ZBTB11: variants seen among roughly 807,000 people sequenced by gnomAD.
The protein encoded by ZBTB11 is zinc finger and BTB domain-containing protein 11.
In ZBTB11, 68 loss-of-function variants were observed where a neutral mutation model predicts 113.1. That is an observed-to-expected ratio of 0.60 (90% CI 0.49 to 0.74). The LOEUF (loss-of-function observed/expected upper bound fraction) is 0.74, where lower values mean the gene tolerates loss of function less well. ZBTB11 is among the 30% of genes least tolerant of loss of function. The pLI is 0.00. For missense variants in ZBTB11, 1,104 were observed against 1,279.4 expected (o/e 0.86, Z 2.09); for synonymous variants, 518 against 452.6 (o/e 1.14, Z -1.83).
At chr3:101,654,381 CAG>C (rs1350464973) in intron 8 of ZBTB11, among the ~76,000 whole-genome samples, 1 of 150,320 alleles carries the variant, frequency 6.7e-6, no homozygotes, top group Non-Finnish European at 1.5e-5. Flanking sequence ...TCGATTGTAA[CAG>C]AGATTTTATT....
intron 1 of ZBTB11, among the ~76,000 whole-genome samples, chr3:101,674,528 T>C (rs1445688232): frequency 6.6e-6 from 1 of 151,728 alleles, no homozygotes; most frequent in Non-Finnish European, 1.5e-5. Flanking sequence ...CTGGCCAACA[T>C]GGTGAAACCC....
chr3:101,669,755 C>A (rs553499648), intron 3 of ZBTB11, among the ~76,000 whole-genome samples: 17 of 152,066 alleles, frequency 1.1e-4, no homozygotes, highest in African/African-American at 4.1e-4. Context: ...ATGTACACCC[C>A]CTGAGCCTAG....
At position 101,664,533 on chromosome 3, in the gene ZBTB11, C is replaced by T; in HGVS notation, c.1800+5G>A. The T allele has an allele frequency of 1.3e-6, 2 of 1,594,730 alleles. No homozygotes were observed. The highest frequency in any genetic ancestry group is 1.7e-6 in the Non-Finnish European group (2 of 1,174,492). On this transcript the variant is annotated splice_donor_5th_base_variant and intron_variant, in intron 5 of 10. Coordinates refer to ENST00000312938, the MANE Select transcript of ZBTB11 (RefSeq NM_014415.4). ...TTACCTTCAATTAGCTTTCCAAATA[C>T]TTACTGGACATTTGTAATCTCTAGC...
At position 101,672,036 on chromosome 3, in the gene ZBTB11, G is replaced by C. The variant is rs932829348; in HGVS notation, c.488C>G (p.Pro163Arg). ...TTTTGCAGGCTTGGATGCTGTAGTT[G>C]GAGATGAAGTAAAGTTGCTCAGGTC... ...EDDLSNFTSS[P>R]TTASKPAKKK... Residue 163 changes from proline to arginine, a missense_variant, in exon 2 of 11, where the codon CCA becomes CGA. By Grantham distance (103) the Pro-to-Arg change is moderately radical. Transcript: ENST00000312938. 6.2e-7 allele frequency: 1 copy of C among 1,614,006 alleles called. No homozygotes were observed. Among genetic ancestry groups the C allele is most frequent in the African/African-American group, 1.3e-5 (1 of 74,928 alleles).
At chr3:101,675,042 A>G (rs2108329751) in intron 1 of ZBTB11, among the ~76,000 whole-genome samples, 1 of 152,354 alleles carries the variant, frequency 6.6e-6, no homozygotes, top group African/African-American at 2.4e-5. Flanking sequence ...TCACTGCACC[A>G]AGCAAGACCC....
chr3:101,662,517 G>A (rs1434950737), intron 5 of ZBTB11, among the ~76,000 whole-genome samples: 1 of 151,956 alleles, frequency 6.6e-6, no homozygotes, highest in Admixed American at 6.6e-5. Flanking sequence ...CCAGCTACTC[G>A]GGAGGCTGAG....
chr3:101,671,478 TTTTC>T (rs1472451836), intron 2 of ZBTB11, 117 bp from the exon 3 acceptor site: 7 of 738,802 alleles, frequency 9.5e-6, no homozygotes, highest in African/African-American at 5.3e-5. Flanking sequence ...TAATTTGATA[TTTTC>T]TTTGTTACCT....
intron 6 of ZBTB11, among the ~76,000 whole-genome samples, chr3:101,657,404 G>A (rs773264348): frequency 1.8e-4 from 27 of 151,836 alleles, no homozygotes; most frequent in Non-Finnish European, 2.9e-4. Context: ...TACTCGGGAG[G>A]CTGAGGCAGG....
In ZBTB11 at chr3:101,659,789, T is replaced by G; in HGVS notation, c.2040A>C (p.Ala680=). ...MLKHTGVKPH[A]CQVCGKTFIY... Reference sequence around the variant, plus strand: ...ATAAACGTTATAGCTTTACCTGGCATGCATGTGGCTTTACACCTGTGTGCT... The same window carrying G: ...ATAAACGTTATAGCTTTACCTGGCAGGCATGTGGCTTTACACCTGTGTGCT... The change falls in exon 6 of 11, where the codon GCA becomes GCC. Residue 680 remains alanine (A), a synonymous_variant. Coordinates refer to ENST00000312938, the MANE Select transcript of ZBTB11 (RefSeq NM_014415.4). 3 of 1,614,018 alleles carry G rather than the reference T, an allele frequency of 1.9e-6. No individual in the cohort carries two copies. The highest frequency in any genetic ancestry group is 2.5e-6 in the Non-Finnish European group (3 of 1,179,844).
At position 101,656,185 on chromosome 3, in the gene ZBTB11, G is replaced by A; in HGVS notation, c.2110C>T (p.Gln704Ter). 1 of 1,602,138 alleles carries A rather than the reference G, an allele frequency of 6.2e-7. No individual in the cohort carries two copies. Among genetic ancestry groups the A allele is most frequent in the Non-Finnish European group, 8.5e-7 (1 of 1,174,818 alleles). Residue 704 changes from glutamine (Q) to a stop codon, truncating the protein, a stop_gained, in exon 7 of 11, where the codon CAG becomes TAG. Transcript: ENST00000312938. LOFTEE classifies it high-confidence loss of function. ...LKLHQSLHQS[Q>*]KQFQCELCVK... ...CACAGTTCACACTGGAACTGCTTCT[G>A]TGATTGATGAAGACTCTGATGTAAT... is the stretch of plus-strand genomic sequence containing the variant.
At chr3:101,653,005 GT>G in intron 8 of ZBTB11, 67 bp from the exon 9 acceptor site, 4 of 1,504,938 alleles carry the variant, frequency 2.7e-6, no homozygotes, top group Non-Finnish European at 3.6e-6. Context: ...CAAGAACTCA[GT>G]AACTATTTTT....
chr3:101,677,121 C>G lies in ZBTB11; in HGVS notation c.-207G>C. On this transcript the variant is annotated 5_prime_UTR_variant, in exon 1 of 11. Coordinates refer to ENST00000312938, the MANE Select transcript of ZBTB11 (RefSeq NM_014415.4). Reference sequence around the variant, plus strand: ...ACTGCACTTCTCCAGCGCGCGGGATCCGCTGGCGACTGACAAAATGGCTGC... The same window carrying G: ...ACTGCACTTCTCCAGCGCGCGGGATGCGCTGGCGACTGACAAAATGGCTGC... 1.8e-6 allele frequency: 1 copy of G among 558,662 alleles called. No homozygotes were observed. The highest frequency in any genetic ancestry group is 3.0e-6 in the Non-Finnish European group (1 of 330,870). 34.6% of individuals were successfully genotyped at this position (558,662 alleles called of 1,614,324 possible).
intron 5 of ZBTB11, among the ~76,000 whole-genome samples, chr3:101,663,500 T>C (rs540641404): frequency 1.4e-4 from 21 of 152,368 alleles, no homozygotes; most frequent in African/African-American, 4.8e-4. Flanking sequence ...TTGTCAACCA[T>C]GAGCTTTTGT....
At chr3:101,674,791 A>C (rs1937136674) in intron 1 of ZBTB11, among the ~76,000 whole-genome samples, 1 of 151,810 alleles carries the variant, frequency 6.6e-6, no homozygotes, top group Non-Finnish European at 1.5e-5. Flanking sequence ...TAAAAAAAAA[A>C]CAACTGGATT....
intron 1 of ZBTB11, 103 bp downstream of exon 1, chr3:101,676,502 C>T: frequency 2.5e-6 from 3 of 1,220,358 alleles, no homozygotes; most frequent in African/African-American, 1.6e-5. Flanking sequence ...CGCCCAGAGG[C>T]GTCCGAGACC....
At chr3:101,651,709 T>C in intron 10 of ZBTB11, 26 bp from the exon 11 acceptor site, 3 of 1,411,388 alleles carry the variant, frequency 2.1e-6, no homozygotes, top group African/African-American at 1.4e-5. Context: ...AAAAAGCATG[T>C]GTAGTGAGGT....
rs1267852389 is a variant in ZBTB11, at chr3:101,652,688, G to A, written c.2469-17C>T. The A allele has an allele frequency of 1.2e-6, 2 of 1,612,458 alleles. No homozygotes were observed. Among genetic ancestry groups the A allele is most frequent in the African/African-American group, 1.3e-5 (1 of 74,796 alleles). On this transcript the variant is annotated splice_polypyrimidine_tract_variant and intron_variant, in intron 9 of 10. Coordinates refer to ENST00000312938, the MANE Select transcript of ZBTB11 (RefSeq NM_014415.4). Reference sequence around the variant, plus strand: ...ATATTACACCTAAAATAGGGGAAAAGACCCAATTATTTTGTCCAAAGAAGT... The same window carrying A: ...ATATTACACCTAAAATAGGGGAAAAAACCCAATTATTTTGTCCAAAGAAGT...
chr3:101,677,092 G>T lies in ZBTB11; in HGVS notation c.-178C>A. 1.5e-6 allele frequency: 1 copy of T among 677,578 alleles called. No individual in the cohort carries two copies. The highest frequency in any genetic ancestry group is 2.3e-6 in the Non-Finnish European group (1 of 428,176). 42.0% of individuals were successfully genotyped at this position (677,578 alleles called of 1,614,324 possible). A position where few individuals can be genotyped will look rare whatever the true frequency, so the allele number is the denominator to read the frequency against. ...AAAAGCGGGCGAGTTGGTAACCAGG[G>T]GGAACTGCACTTCTCCAGCGCGCGG... On this transcript the variant is annotated 5_prime_UTR_variant, in exon 1 of 11. Transcript: ENST00000312938.
At chr3:101,652,973 T>C in intron 8 of ZBTB11, 35 bp from the exon 9 acceptor site, 2 of 1,568,926 alleles carry the variant, frequency 1.3e-6, no homozygotes, top group Non-Finnish European at 1.7e-6. Context: ...TTGGATAATC[T>C]TATTCCTTTA....
Sources: gnomAD v4.1 joint callset for allele counts (sites outside exome capture counted in the v4.1 genomes callset) on GRCh38, gnomAD v4.1.1 for gene constraint, MANE v1.5 for transcripts, NCBI Gene and HGNC (gene_info 2026-07-23, HGNC 2026-07-21) for gene names.